Variants in SLC5A8 observed in about 807,000 individuals in gnomAD.
SLC5A8 encodes sodium-coupled monocarboxylate transporter 1.
Under a neutral mutation model 71.9 loss-of-function variants are expected in SLC5A8, and 55 were observed. That is an observed-to-expected ratio of 0.77 (90% CI 0.62 to 0.96). The LOEUF is 0.96. Ranked by LOEUF, SLC5A8 falls within the 40% of genes least tolerant of loss-of-function variation. The pLI, the probability that SLC5A8 is intolerant of heterozygous loss-of-function variation, is 0.00. For missense variants in SLC5A8, 701 were observed against 745.3 expected, an observed-to-expected ratio of 0.94 and a Z score of 0.69; for synonymous variants, 307 against 276.1, an observed-to-expected ratio of 1.11 and a Z score of -1.11.
rs2279834 is a variant in SLC5A8 at position 101,156,398 on chromosome 12, T to C, written c.*881A>G. The C allele has an allele frequency of 0.19, 28,202 of 151,742 alleles. 2,987 individuals are homozygous for C. The highest frequency in any genetic ancestry group is 0.31 in the South Asian group (1,499 of 4,808). 9.4% of individuals were successfully genotyped at this position (151,742 alleles called of 1,614,324 possible). On this transcript the variant is annotated 3_prime_UTR_variant, in exon 15 of 15. Coordinates refer to ENST00000536262, the MANE Select transcript of SLC5A8 (RefSeq NM_145913.5). ...TATGTTAGTACCAAGCTAATGGGAG[T>C]TCATAATTTATAGTCTGGGACTTGA...
At chr12:101,174,461 TG>T (rs2051860593) in intron 10 of SLC5A8, among the ~76,000 whole-genome samples, 1 of 152,224 alleles carries the variant, frequency 6.6e-6, no homozygotes, top group South Asian at 2.1e-4. Flanking sequence ...TGTCAGACTT[TG>T]GGGGTCCTTC....
intron 10 of SLC5A8, among the ~76,000 whole-genome samples, chr12:101,172,213 A>G (rs952508854): frequency 6.6e-6 from 1 of 152,052 alleles, no homozygotes; most frequent in African/African-American, 2.4e-5. Flanking sequence ...GTGGTGGCCC[A>G]AGAGACCCCT....
In SLC5A8 at chr12:101,168,887, C is replaced by T. The variant is rs1261055985; in HGVS notation, c.1234-705G>A. ...AATGGACACAACCATAAAAGAAGAGCAGGGAATCACTGGTTTGTCCAGAGA... is the reference window on the plus strand; with the variant it reads ...AATGGACACAACCATAAAAGAAGAGTAGGGAATCACTGGTTTGTCCAGAGA... On this transcript the variant is annotated intron_variant, in intron 10 of 14. Transcript: ENST00000536262. Among the ~76,000 whole-genome samples, 5 of 152,212 alleles carry T rather than the reference C, an allele frequency of 3.3e-5. No individual in the cohort carries two copies. In the South Asian group the frequency reaches 1.0e-3, roughly 32 times the overall value.
At chr12:101,180,337 G>T (rs1265286138) in intron 9 of SLC5A8, among the ~76,000 whole-genome samples, 1 of 152,154 alleles carries the variant, frequency 6.6e-6, no homozygotes, top group Admixed American at 6.5e-5. Context: ...GGTTATATAA[G>T]TAAAGAGTTC....
chr12:101,199,816 C>T (rs1187276550), intron 3 of SLC5A8, among the ~76,000 whole-genome samples: 1 of 151,282 alleles, frequency 6.6e-6, no homozygotes, highest in Non-Finnish European at 1.5e-5. Context: ...TAATTTTATA[C>T]TACATCCATG....
At position 101,182,888 on chromosome 12, in the gene SLC5A8, T is replaced by C. The variant is rs751736563; in HGVS notation, c.1080A>G (p.Leu360=). Residue 360 remains leucine, a synonymous_variant, in exon 9 of 15, where the codon TTA becomes TTG. Transcript: ENST00000536262. ...TTAGATCTTCCACAGTTACTGCTGCTAAGGCATTAATACTGGAGGACACTG... is the reference window on the plus strand; with the variant it reads ...TTAGATCTTCCACAGTTACTGCTGCCAAGGCATTAATACTGGAGGACACTG... ...LSTVSSSINA[L]AAVTVEDLIK... is the part of the protein sequence containing the mutation. The C allele has an allele frequency of 3.1e-6, 5 of 1,593,132 alleles. No individual in the cohort carries two copies. Among genetic ancestry groups the C allele is most frequent in the Admixed American group, 1.8e-5 (1 of 55,456 alleles).
At position 101,182,799 on chromosome 12, in the gene SLC5A8, T is replaced by A; in HGVS notation, c.1165+4A>T. On this transcript the variant is annotated splice_donor_region_variant and intron_variant, in intron 9 of 14. Transcript: ENST00000536262. ...AAAATGGAATTATGAAAACAGAAAC[T>A]TACTCATTCCTTGGGAAATCCAAGA... 1 of 1,557,290 alleles carries A rather than the reference T, an allele frequency of 6.4e-7. No individual in the cohort carries two copies. Among genetic ancestry groups the A allele is most frequent in the South Asian group, 1.2e-5 (1 of 83,278 alleles).
At chr12:101,162,167 AT>A in intron 12 of SLC5A8, 90 bp from the exon 13 acceptor site, 1 of 785,578 alleles carries the variant, frequency 1.3e-6, no homozygotes, top group East Asian at 2.5e-5. Context: ...CAAGGTCAAA[AT>A]ATAACACTTA....
chr12:101,166,129 T>G (rs1409045872), intron 12 of SLC5A8, among the ~76,000 whole-genome samples: 1 of 152,244 alleles, frequency 6.6e-6, no homozygotes, highest in Non-Finnish European at 1.5e-5. Context: ...TCTATCTTTC[T>G]AAGACTATAT....
chr12:101,168,725 A>G (rs544270145), intron 10 of SLC5A8, among the ~76,000 whole-genome samples: 13 of 152,326 alleles, frequency 8.5e-5, no homozygotes, highest in African/African-American at 2.4e-4. Context: ...GATAACTGCA[A>G]CCTTTGCTTT....
At chr12:101,161,061 C>T (rs1006856599) in intron 13 of SLC5A8, among the ~76,000 whole-genome samples, 1 of 152,174 alleles carries the variant, frequency 6.6e-6, no homozygotes, top group Admixed American at 6.6e-5. Context: ...GGTAGCAGAG[C>T]GCTGTCACAA....
chr12:101,187,302 C>T, intron 7 of SLC5A8, 84 bp downstream of exon 7: 11 of 1,417,738 alleles, frequency 7.8e-6, no homozygotes, highest in Non-Finnish European at 8.4e-6. Flanking sequence ...CGTTTCTCTA[C>T]AAGAATATGA....
At chr12:101,199,120 T>C (rs1448649475) in intron 3 of SLC5A8, among the ~76,000 whole-genome samples, 2 of 152,004 alleles carry the variant, frequency 1.3e-5, no homozygotes, top group East Asian at 1.9e-4. Flanking sequence ...CAACGAATAA[T>C]TGAAAAATAA....
At chr12:101,205,303 T>C (rs1191911127) in intron 1 of SLC5A8, among the ~76,000 whole-genome samples, 7 of 152,212 alleles carry the variant, frequency 4.6e-5, no homozygotes, top group South Asian at 2.1e-4. Flanking sequence ...CTTCTAACAA[T>C]TGTTTTTTTA....
chr12:101,195,488 G>A (rs961264104), intron 3 of SLC5A8, among the ~76,000 whole-genome samples: 1 of 151,932 alleles, frequency 6.6e-6, no homozygotes, highest in Non-Finnish European at 1.5e-5. Flanking sequence ...GATTAGACGC[G>A]GTTCAAATAA....
intron 1 of SLC5A8, among the ~76,000 whole-genome samples, chr12:101,207,160 G>A (rs1286315150): frequency 6.6e-6 from 1 of 152,220 alleles, no homozygotes; most frequent in Non-Finnish European, 1.5e-5. Context: ...GCACCCTGGA[G>A]GTGGATGCCT....
chr12:101,185,520 T>A (rs551544208), intron 7 of SLC5A8, among the ~76,000 whole-genome samples: 1 of 152,264 alleles, frequency 6.6e-6, no homozygotes, highest in Admixed American at 6.5e-5. Context: ...TCTGGGCAAA[T>A]GCCAGCAGAG....
chr12:101,170,087 G>A (rs150559625), intron 10 of SLC5A8, among the ~76,000 whole-genome samples: 36 of 152,310 alleles, frequency 2.4e-4, no homozygotes, highest in African/African-American at 8.4e-4. Context: ...GCAGGCAGAG[G>A]GAGAAGTCTA....
At chr12:101,169,330 T>C (rs573711085) in intron 10 of SLC5A8, among the ~76,000 whole-genome samples, 69 of 152,324 alleles carry the variant, frequency 4.5e-4, no homozygotes, top group Middle Eastern at 3.4e-3. Context: ...TGTCATTGTA[T>C]ATAATCAGGC....
Sources: gnomAD v4.1 joint callset for allele counts (sites outside exome capture counted in the v4.1 genomes callset) on GRCh38, gnomAD v4.1.1 for gene constraint, MANE v1.5 for transcripts, NCBI Gene and HGNC (gene_info 2026-07-23, HGNC 2026-07-21) for gene names.